CEP192: variants seen among roughly 807,000 people sequenced by gnomAD.
CEP192 encodes centrosomal protein of 192 kDa.
CEP192 carries 151 observed loss-of-function variants against 271.8 expected under a neutral mutation model. The ratio of observed to expected loss-of-function variants is 0.56; its 90% confidence interval spans 0.49 to 0.64. The LOEUF is 0.64. Ranked by LOEUF, CEP192 falls within the 30% of genes least tolerant of loss-of-function variation. CEP192 has a pLI of 0.00. For synonymous variants in CEP192, 995 were observed against 1,076.5 expected, an observed-to-expected ratio of 0.92 and a Z score of 1.48; for missense variants, 2,910 against 3,020.5, an observed-to-expected ratio of 0.96 and a Z score of 0.86.
In CEP192 at chr18:13,056,323, G is replaced by T; in HGVS notation, c.3733G>T (p.Ala1245Ser). The T allele has an allele frequency of 6.2e-7, 1 of 1,614,220 alleles. No homozygotes were observed. Among genetic ancestry groups the T allele is most frequent in the African/African-American group, 1.3e-5 (1 of 75,062 alleles). ...SSVADMQNMP[A>S]AVHALLTQPS... is the part of the protein sequence containing the mutation. ...TGTGGCTGACATGCAGAACATGCCT[G>T]CTGCTGTGCACGCACTCTTGACACA... The change falls in exon 19 of 45, where the codon GCT becomes TCT. Residue 1245 changes from alanine to serine, a missense_variant. Coordinates refer to ENST00000506447, the MANE Select transcript of CEP192 (RefSeq NM_032142.4).
chr18:13,043,240 T>G (rs1460871428), intron 15 of CEP192, among the ~76,000 whole-genome samples: 1 of 152,236 alleles, frequency 6.6e-6, no homozygotes. Context: ...CAGTTCGTTT[T>G]ATTTGATTTG....
rs147475312 is a variant in CEP192 at position 13,024,372 on chromosome 18, A to G, written c.1050+5166A>G. ...TTCTCCATCCATTTACTTTTAATCT[A>G]CATGTTGGTTTCTTGTAGACGTCAT... is the stretch of plus-strand genomic sequence containing the variant. On this transcript the variant is annotated intron_variant, in intron 9 of 44. Coordinates refer to ENST00000506447, the MANE Select transcript of CEP192 (RefSeq NM_032142.4). 1,090 of 455,604 alleles carry G rather than the reference A, an allele frequency of 2.4e-3. 15 individuals are homozygous for G. The highest frequency in any genetic ancestry group is 0.02 in the African/African-American group (1,004 of 50,110). 28.2% of individuals were successfully genotyped at this position (455,604 alleles called of 1,614,324 possible).
At chr18:13,079,467 C>T (rs2038473315) in intron 30 of CEP192, among the ~76,000 whole-genome samples, 2 of 152,128 alleles carry the variant, frequency 1.3e-5, no homozygotes, top group Non-Finnish European at 2.9e-5. Context: ...ATCCTTTGCC[C>T]ACTTTTTGAT....
intron 30 of CEP192, among the ~76,000 whole-genome samples, chr18:13,081,378 T>A (rs1194772092): frequency 1.3e-5 from 2 of 152,248 alleles, no homozygotes; most frequent in East Asian, 3.8e-4. Flanking sequence ...GATGTATGTG[T>A]CCAGGAATTT....
chr18:13,098,223 G>A (rs1232961281), intron 36 of CEP192, among the ~76,000 whole-genome samples: 1 of 152,126 alleles, frequency 6.6e-6, no homozygotes, highest in African/African-American at 2.4e-5. Flanking sequence ...AGGGGCGGCC[G>A]GGCAGAGGCA....
At chr18:12,994,987 G>T (rs1227566544) in intron 1 of CEP192, among the ~76,000 whole-genome samples, 1 of 152,026 alleles carries the variant, frequency 6.6e-6, no homozygotes, top group Non-Finnish European at 1.5e-5. Context: ...GAAGGTGGTG[G>T]CAGGACATGC....
chr18:13,050,343 G>A (rs2036713147), intron 17 of CEP192, among the ~76,000 whole-genome samples: 1 of 152,132 alleles, frequency 6.6e-6, no homozygotes, highest in African/African-American at 2.4e-5. Flanking sequence ...TATCAAAAAT[G>A]TTAAATGTAG....
At chr18:13,098,482 C>T (rs1464377998) in intron 36 of CEP192, among the ~76,000 whole-genome samples, 13 of 150,796 alleles carry the variant, frequency 8.6e-5, no homozygotes, top group African/African-American at 2.7e-4. Flanking sequence ...TGGGCAGAGA[C>T]GCTCCTCACC....
intron 21 of CEP192, among the ~76,000 whole-genome samples, chr18:13,065,262 G>A (rs1170806667): frequency 6.6e-6 from 1 of 151,556 alleles, no homozygotes; most frequent in Non-Finnish European, 1.5e-5. Context: ...GGTTAGACAA[G>A]ATAATTTCCC....
At chr18:13,060,956 A>G (rs1188456940) in intron 21 of CEP192, among the ~76,000 whole-genome samples, 2 of 151,748 alleles carry the variant, frequency 1.3e-5, no homozygotes, top group East Asian at 3.9e-4. Flanking sequence ...CTAATTTCCT[A>G]ATATGTGAAT....
intron 9 of CEP192, among the ~76,000 whole-genome samples, chr18:13,028,135 G>T (rs2035408120): frequency 6.6e-6 from 1 of 152,130 alleles, no homozygotes; most frequent in African/African-American, 2.4e-5. Flanking sequence ...TCCTTGGCTT[G>T]TAGCAGCAGC....
chr18:13,085,804 G>A (rs150326551), intron 30 of CEP192, among the ~76,000 whole-genome samples: 1 of 152,004 alleles, frequency 6.6e-6, no homozygotes, highest in Non-Finnish European at 1.5e-5. Context: ...TAACCTTGTA[G>A]TATAGTTTGA....
At chr18:13,116,234 G>C (rs1425707403) in intron 42 of CEP192, 143 bp from the exon 43 acceptor site, 1 of 805,268 alleles carries the variant, frequency 1.2e-6, no homozygotes, top group East Asian at 2.8e-5. Flanking sequence ...AATTAGATAA[G>C]TCGTCATTAC....
chr18:13,057,883 T>C, intron 20 of CEP192, 150 bp downstream of exon 20: 1 of 565,582 alleles, frequency 1.8e-6, no homozygotes, highest in Non-Finnish European at 3.0e-6. Flanking sequence ...ACCCCTTTTG[T>C]TGTAGTGCTT....
chr18:13,090,720 T>C (rs968761425), intron 33 of CEP192, among the ~76,000 whole-genome samples: 6 of 152,124 alleles, frequency 3.9e-5, no homozygotes, highest in Non-Finnish European at 8.8e-5. Flanking sequence ...GAAAAAAACC[T>C]TGGACTTGGA....
At chr18:13,002,579 A>G (rs2033721790) in intron 3 of CEP192, among the ~76,000 whole-genome samples, 2 of 152,212 alleles carry the variant, frequency 1.3e-5, no homozygotes, top group South Asian at 4.1e-4. Context: ...ACAAATTAAC[A>G]CATTGCTCTT....
chr18:13,020,366 C>T (rs2034920575), intron 9 of CEP192, among the ~76,000 whole-genome samples: 1 of 152,108 alleles, frequency 6.6e-6, no homozygotes, highest in Non-Finnish European at 1.5e-5. Context: ...TTTTATTAAG[C>T]GTGATGTTTT....
chr18:13,099,036 C>T (rs957020656), intron 36 of CEP192, among the ~76,000 whole-genome samples: 1 of 152,048 alleles, frequency 6.6e-6, no homozygotes, highest in Admixed American at 6.5e-5. Context: ...GAAAACCAGT[C>T]AGGCGTGGCA....
chr18:13,099,241 T>A (rs986539853), intron 36 of CEP192, among the ~76,000 whole-genome samples: 1 of 151,912 alleles, frequency 6.6e-6, no homozygotes, highest in African/African-American at 2.4e-5. Flanking sequence ...CGCATGAGTT[T>A]TGCCCTTGCG....
Sources: allele counts gnomAD v4.1 joint callset (sites outside exome capture counted in the v4.1 genomes callset), GRCh38; gene constraint gnomAD v4.1.1; transcripts MANE v1.5; gene names NCBI Gene and HGNC (gene_info 2026-07-23, HGNC 2026-07-21).